SUMF1: variants seen among roughly 807,000 people sequenced by gnomAD.
The protein encoded by SUMF1 is formylglycine-generating enzyme.
Under a neutral mutation model 47.6 loss-of-function variants are expected in SUMF1, and 48 were observed. The observed-to-expected ratio is 1.01, with a 90% CI of 0.80 to 1.28. The LOEUF (loss-of-function observed/expected upper bound fraction) is 1.28. SUMF1 is among the 50% of genes most tolerant of loss of function. The pLI, the probability that SUMF1 is intolerant of heterozygous loss-of-function variation, is 0.00. For missense variants in SUMF1, 571 were observed against 485.4 expected, an observed-to-expected ratio of 1.18 and a Z score of -1.66; for synonymous variants, 230 against 192.1, an observed-to-expected ratio of 1.20 and a Z score of -1.63.
intron 8 of SUMF1, among the ~76,000 whole-genome samples, chr3:4,242,644 G>C (rs1390943666): frequency 6.6e-6 from 1 of 152,154 alleles, no homozygotes; most frequent in East Asian, 1.9e-4. Flanking sequence ...TGGTGGATAA[G>C]CTTTTTGATG....
chr3:4,127,122 T>C (rs550601165), intron 8 of SUMF1, among the ~76,000 whole-genome samples: 2 of 152,238 alleles, frequency 1.3e-5, no homozygotes, highest in Non-Finnish European at 2.9e-5. Flanking sequence ...GTTGGATGTA[T>C]AAAAGGCTAT....
intron 7 of SUMF1, among the ~76,000 whole-genome samples, chr3:4,390,295 T>G (rs944915114): frequency 2.0e-5 from 3 of 152,160 alleles, no homozygotes; most frequent in Non-Finnish European, 4.4e-5. Flanking sequence ...ACCACTTTAC[T>G]AATAGACAAT....
intron 8 of SUMF1, among the ~76,000 whole-genome samples, chr3:4,172,948 T>C (rs1454015612): frequency 6.6e-6 from 1 of 152,210 alleles, no homozygotes. Flanking sequence ...TTTTGAATGG[T>C]ATTGCCTCGG....
chr3:4,267,392 G>A (rs543250082), intron 8 of SUMF1, among the ~76,000 whole-genome samples: 28 of 152,168 alleles, frequency 1.8e-4, no homozygotes, highest in Admixed American at 4.6e-4. Flanking sequence ...GATTATTACC[G>A]CAATTTCAGC....
intron 8 of SUMF1, among the ~76,000 whole-genome samples, chr3:4,080,141 TC>T (rs1169999435): frequency 6.6e-6 from 1 of 152,104 alleles, no homozygotes; most frequent in Non-Finnish European, 1.5e-5. Context: ...ATTCTTTACT[TC>T]CAGTTTTGAC....
At chr3:4,422,596 T>C (rs1338566450) in intron 3 of SUMF1, among the ~76,000 whole-genome samples, 2 of 152,124 alleles carry the variant, frequency 1.3e-5, no homozygotes, top group Admixed American at 1.3e-4. Context: ...TCTATCAATA[T>C]TCTTAAAAGA....
At chr3:4,331,657 T>G (rs953040190) in intron 8 of SUMF1, among the ~76,000 whole-genome samples, 7 of 152,160 alleles carry the variant, frequency 4.6e-5, no homozygotes, top group South Asian at 4.1e-4. Flanking sequence ...GGTGAAACCC[T>G]GTCTCTACTA....
At chr3:4,080,918 C>A (rs1692546111) in intron 8 of SUMF1, among the ~76,000 whole-genome samples, 1 of 152,102 alleles carries the variant, frequency 6.6e-6, no homozygotes, top group Admixed American at 6.6e-5. Flanking sequence ...GACTTTCTCA[C>A]TTCCTAGCTG....
intron 8 of SUMF1, among the ~76,000 whole-genome samples, chr3:4,180,202 C>G (rs941303689): frequency 6.6e-6 from 1 of 152,096 alleles, no homozygotes; most frequent in African/African-American, 2.4e-5. Flanking sequence ...GGGTACATAC[C>G]CAAAGGATTA....
intron 8 of SUMF1, among the ~76,000 whole-genome samples, chr3:4,223,755 G>A (rs1387995299): frequency 6.6e-6 from 1 of 152,074 alleles, no homozygotes; most frequent in Non-Finnish European, 1.5e-5. Context: ...GAAGGTGGTG[G>A]TAATGTTTAA....
rs145329996 is a variant in SUMF1 at position 4,455,545 on chromosome 3, G to A, written c.271-2496C>T. Among the ~76,000 whole-genome samples, 983 of 152,174 alleles carry A rather than the reference G, an allele frequency of 6.5e-3. 12 individuals are homozygous for A. Among genetic ancestry groups the A allele is most frequent in the African/African-American group, 0.023 (936 of 41,550 alleles). On this transcript the variant is annotated intron_variant, in intron 1 of 8. Coordinates refer to ENST00000272902, the MANE Select transcript of SUMF1 (RefSeq NM_182760.4). ...AGCCTGGCCAACACGGTGAAACCCC[G>A]TCTCTACTAAAAATACAAAAAATTA...
Position 4,229,312 on chromosome 3 carries a change from G to A in SUMF1, c.1014+147018C>T, listed in dbSNP as rs1367459608. ...AACTAGGTGTGTATGTTCCATTCCT[G>A]TGAAATCCTCTGGTGAGCCTTTGAT... On this transcript the variant is annotated intron_variant and NMD_transcript_variant, in intron 8 of 12. Transcript: ENST00000448413. The A allele has an allele frequency of 1.2e-5, 5 of 407,598 alleles. No individual in the cohort carries two copies. The East Asian group carries it at 3.8e-4, about 31-fold the overall frequency. The allele number at this position is 407,598 out of a possible 1,614,324, so 25.2% of individuals were successfully genotyped here. A position where few individuals can be genotyped will look rare whatever the true frequency, so the allele number is the denominator to read the frequency against.
At chr3:4,102,725 G>C (rs375248381) in intron 8 of SUMF1, among the ~76,000 whole-genome samples, 16 of 151,964 alleles carry the variant, frequency 1.1e-4, no homozygotes, top group African/African-American at 3.9e-4. Context: ...AGCTCTACAA[G>C]GGCAGAGTCT....
chr3:4,428,675 A>G (rs1229079673), intron 3 of SUMF1, among the ~76,000 whole-genome samples: 3 of 151,862 alleles, frequency 2.0e-5, no homozygotes, highest in African/African-American at 7.2e-5. Context: ...TTAATGTCTG[A>G]AACGTCTACA....
chr3:4,161,573 C>G (rs1694577896), intron 8 of SUMF1, among the ~76,000 whole-genome samples: 1 of 152,090 alleles, frequency 6.6e-6, no homozygotes, highest in Non-Finnish European at 1.5e-5. Context: ...CTCTCCATAG[C>G]TGTCACCATT....
At chr3:4,139,318 A>G (rs960124125) in intron 8 of SUMF1, among the ~76,000 whole-genome samples, 1 of 151,952 alleles carries the variant, frequency 6.6e-6, no homozygotes, top group African/African-American at 2.4e-5. Flanking sequence ...ACCAACACTC[A>G]TGTTAGAGCT....
intron 8 of SUMF1, among the ~76,000 whole-genome samples, chr3:4,342,733 A>T (rs1699296548): frequency 6.6e-6 from 1 of 152,124 alleles, no homozygotes; most frequent in Non-Finnish European, 1.5e-5. Context: ...TTTTCTCACC[A>T]ACTGGCTTAC....
At chr3:4,432,393 G>A (rs1702260730) in intron 3 of SUMF1, among the ~76,000 whole-genome samples, 1 of 152,032 alleles carries the variant, frequency 6.6e-6, no homozygotes, top group South Asian at 2.1e-4. Context: ...AACCAGAGTG[G>A]TCTCTTTAAA....
intron 8 of SUMF1, among the ~76,000 whole-genome samples, chr3:4,305,586 A>G (rs181755192): frequency 1.9e-4 from 29 of 152,344 alleles, no homozygotes; most frequent in African/African-American, 6.7e-4. Context: ...ACAACCCTCC[A>G]GGGCAATTTC....
Sources: allele counts gnomAD v4.1 joint callset (sites outside exome capture counted in the v4.1 genomes callset), GRCh38; gene constraint gnomAD v4.1.1; transcripts MANE v1.5; gene names NCBI Gene and HGNC (gene_info 2026-07-23, HGNC 2026-07-21).